Variants in CAMK1D observed in about 807,000 individuals in gnomAD.
CAMK1D encodes calcium/calmodulin-dependent protein kinase type 1D.
A neutral mutation model predicts 47.7 loss-of-function variants in CAMK1D; 9 were observed. That is an observed-to-expected ratio of 0.19 (90% CI 0.11 to 0.33). The LOEUF (loss-of-function observed/expected upper bound fraction) is 0.33, where lower values mean the gene tolerates loss of function less well. Among genes scored for constraint, CAMK1D ranks in the 10% least tolerant of loss-of-function variants. The pLI is 1.00. For missense variants in CAMK1D, 291 were observed against 488.7 expected (o/e 0.60, Z 3.81); for synonymous variants, 184 against 184.9 (o/e 0.99, Z 0.04).
At chr10:12,353,970 G>A (rs1837422879) in intron 1 of CAMK1D, among the ~76,000 whole-genome samples, 1 of 152,124 alleles carries the variant, frequency 6.6e-6, no homozygotes, top group Non-Finnish European at 1.5e-5. Flanking sequence ...AGAAGTATAT[G>A]GATGGGAGGA....
chr10:12,683,078 C>T (rs1053292058), intron 3 of CAMK1D, among the ~76,000 whole-genome samples: 3 of 144,194 alleles, frequency 2.1e-5, no homozygotes, highest in Non-Finnish European at 4.6e-5. Flanking sequence ...CATGCCACCT[C>T]ACCCAGCTAA....
chr10:12,637,836 G>A (rs576967796), intron 2 of CAMK1D, among the ~76,000 whole-genome samples: 2 of 152,234 alleles, frequency 1.3e-5, no homozygotes, highest in South Asian at 2.1e-4. Flanking sequence ...GGAAGGAGAC[G>A]TGTTCTTTCT....
intron 1 of CAMK1D, among the ~76,000 whole-genome samples, chr10:12,399,860 TGTG>T (rs1317556873): frequency 1.3e-5 from 2 of 152,170 alleles, no homozygotes; most frequent in African/African-American, 4.8e-5. Context: ...AAGCATGAGT[TGTG>T]GTGCTGATGG....
intron 1 of CAMK1D, among the ~76,000 whole-genome samples, chr10:12,489,825 A>G (rs577401259): frequency 1.3e-5 from 2 of 152,268 alleles, no homozygotes; most frequent in South Asian, 4.1e-4. Flanking sequence ...CTCTGGTGTC[A>G]GCGATTGCTT....
intron 3 of CAMK1D, among the ~76,000 whole-genome samples, chr10:12,740,020 A>G (rs770017550): frequency 4.6e-5 from 7 of 152,206 alleles, no homozygotes; most frequent in Non-Finnish European, 1.0e-4. Context: ...CCTTGTAAAA[A>G]TAGTATCTGA....
At chr10:12,693,964 A>T (rs1462103724) in intron 3 of CAMK1D, among the ~76,000 whole-genome samples, 2 of 34,172 alleles carry the variant, frequency 5.9e-5, no homozygotes, top group South Asian at 1.3e-3. Context: ...TATTATATAT[A>T]AAATATATAA....
intron 2 of CAMK1D, among the ~76,000 whole-genome samples, chr10:12,628,516 G>T (rs936452768): frequency 6.6e-6 from 1 of 152,116 alleles, no homozygotes; most frequent in African/African-American, 2.4e-5. Context: ...AACCCAATTT[G>T]CCCTATTATT....
At chr10:12,535,611 CCTGTACT>C (rs1835944629) in intron 1 of CAMK1D, among the ~76,000 whole-genome samples, 1 of 152,166 alleles carries the variant, frequency 6.6e-6, no homozygotes, top group Admixed American at 6.5e-5. Context: ...CAGTGTTGGT[CCTGTACT>C]CTGCAAACAT....
intron 3 of CAMK1D, among the ~76,000 whole-genome samples, chr10:12,706,814 C>G (rs1270068870): frequency 3.3e-5 from 5 of 151,830 alleles, no homozygotes; most frequent in Non-Finnish European, 7.4e-5. Context: ...TTGAAACAAG[C>G]AACCTTTGAG....
intron 8 of CAMK1D, among the ~76,000 whole-genome samples, chr10:12,817,120 G>A (rs149413586): frequency 2.0e-5 from 3 of 152,122 alleles, no homozygotes; most frequent in Non-Finnish European, 2.9e-5. Context: ...AGAACAGCAC[G>A]GGAAAGACTT....
At chr10:12,815,970 C>A (rs1832777713) in intron 7 of CAMK1D, among the ~76,000 whole-genome samples, 1 of 152,230 alleles carries the variant, frequency 6.6e-6, no homozygotes, top group South Asian at 2.1e-4. Context: ...TCTCTTCTCT[C>A]AACCAAAGGT....
chr10:12,715,348 T>C (rs1007544785), intron 3 of CAMK1D, among the ~76,000 whole-genome samples: 3 of 152,270 alleles, frequency 2.0e-5, no homozygotes, highest in African/African-American at 7.2e-5. Context: ...CTCAAATGCA[T>C]GACTACTGCG....
At chr10:12,717,450 C>G (rs540832378) in intron 3 of CAMK1D, among the ~76,000 whole-genome samples, 13 of 152,288 alleles carry the variant, frequency 8.5e-5, no homozygotes, top group African/African-American at 3.1e-4. Flanking sequence ...GTTAGCAGAA[C>G]TGCCTCTTAC....
intron 1 of CAMK1D, among the ~76,000 whole-genome samples, chr10:12,504,954 A>T (rs1390065563): frequency 6.6e-6 from 1 of 152,186 alleles, no homozygotes; most frequent in Non-Finnish European, 1.5e-5. Flanking sequence ...TGCTGCTTAG[A>T]AACTGGAAGA....
chr10:12,669,590 A>T (rs1172582552), intron 3 of CAMK1D, among the ~76,000 whole-genome samples: 2 of 152,162 alleles, frequency 1.3e-5, no homozygotes, highest in African/African-American at 4.8e-5. Flanking sequence ...CACTTCAGTG[A>T]TGAACGTGAG....
chr10:12,684,109 G>C (rs1000273505), intron 3 of CAMK1D, among the ~76,000 whole-genome samples: 5 of 152,188 alleles, frequency 3.3e-5, no homozygotes, highest in African/African-American at 1.2e-4. Context: ...GTATACACTT[G>C]CTACAGAGCC....
intron 1 of CAMK1D, among the ~76,000 whole-genome samples, chr10:12,479,625 G>C (rs1834004984): frequency 6.6e-6 from 1 of 152,214 alleles, no homozygotes. Flanking sequence ...CTCTCACCTG[G>C]GCCTGTCTCT....
chr10:12,554,596 G>A (rs1836701862), intron 2 of CAMK1D, among the ~76,000 whole-genome samples: 1 of 151,980 alleles, frequency 6.6e-6, no homozygotes, highest in East Asian at 1.9e-4. Flanking sequence ...CTGGAGTGCA[G>A]TGGCAGTCTT....
At chr10:12,616,824 A>T (rs1379503024) in intron 2 of CAMK1D, among the ~76,000 whole-genome samples, 1 of 152,184 alleles carries the variant, frequency 6.6e-6, no homozygotes, top group Non-Finnish European at 1.5e-5. Flanking sequence ...GCCGAGGTCA[A>T]GTATCTTCTC....
Sources: gnomAD v4.1 joint callset for allele counts (sites outside exome capture counted in the v4.1 genomes callset) on GRCh38, gnomAD v4.1.1 for gene constraint, MANE v1.5 for transcripts, NCBI Gene and HGNC (gene_info 2026-07-23, HGNC 2026-07-21) for gene names.